MFSD11: variants seen among roughly 807,000 people sequenced by gnomAD.
The protein encoded by MFSD11 is major facilitator superfamily domain containing 11.
A neutral mutation model predicts 53.5 loss-of-function variants in MFSD11; 36 were observed. That is an observed-to-expected ratio of 0.67 (90% CI 0.52 to 0.89). MFSD11 has a LOEUF of 0.89. MFSD11 is among the 40% of genes least tolerant of loss of function. MFSD11 has a pLI of 0.00. For missense variants in MFSD11, 530 were observed against 543.9 expected (o/e 0.97, Z 0.25); for synonymous variants, 186 against 184.9 (o/e 1.01, Z -0.05).
chr17:76,798,286 A>G, the MFSD11 span, among the ~76,000 whole-genome samples: 109,170 of 151,948 alleles, frequency 0.72, 40,105 homozygotes, highest in Middle Eastern at 0.81. Context: ...TGGGGTGGGG[A>G]TGCAAAGCCT....
In MFSD11 at chr17:76,738,248, C is replaced by T; in HGVS notation, c.-105C>T. ...CTTGGCTGCCTGGCTCCTGCATCTG[C>T]CTTCTCCACTCACCATCTCATTTCT... On this transcript the variant is annotated 5_prime_UTR_variant, in exon 1 of 13. Coordinates refer to ENST00000685175, the MANE Select transcript of MFSD11 (RefSeq NM_001242532.5). 1.4e-6 allele frequency: 1 copy of T among 736,654 alleles called. No individual in the cohort carries two copies. 45.6% of individuals were successfully genotyped at this position (736,654 alleles called of 1,614,324 possible). A position where few individuals can be genotyped will look rare whatever the true frequency, so the allele number is the denominator to read the frequency against.
the MFSD11 span, among the ~76,000 whole-genome samples, chr17:76,796,297 A>C: frequency 6.6e-6 from 1 of 152,066 alleles, no homozygotes. Flanking sequence ...TCCTGACTTT[A>C]GTGAAGTTCC....
chr17:76,739,290 A>C (rs1179138501), intron 2 of MFSD11, among the ~76,000 whole-genome samples: 2 of 147,876 alleles, frequency 1.4e-5, no homozygotes, highest in East Asian at 4.0e-4. Context: ...CACTTGGCAC[A>C]GTGCATGGCA....
chr17:76,749,719 G>T (rs781120037), intron 7 of MFSD11, among the ~76,000 whole-genome samples: 2 of 151,790 alleles, frequency 1.3e-5, no homozygotes, highest in East Asian at 3.9e-4. Flanking sequence ...GTGAAACTCC[G>T]TCTCTACTAA....
chr17:76,739,620 T>G (rs2077857666), intron 2 of MFSD11, among the ~76,000 whole-genome samples: 1 of 152,216 alleles, frequency 6.6e-6, no homozygotes, highest in Non-Finnish European at 1.5e-5. Context: ...ATTTATTGTG[T>G]ACAACATGTT....
chr17:76,756,291 T>C (rs1463880188), intron 8 of MFSD11, among the ~76,000 whole-genome samples: 1 of 150,920 alleles, frequency 6.6e-6, no homozygotes, highest in Admixed American at 6.6e-5. Flanking sequence ...CCCAGCTAAT[T>C]TTTGCATTTT....
At chr17:76,737,137 G>A (rs745923097), upstream of MFSD11, 3 of 1,593,634 alleles carry the variant, frequency 1.9e-6, no homozygotes, top group African/African-American at 1.3e-5. Context: ...CCTCCACATC[G>A]GGAGGGGGGC....
At chr17:76,789,368 C>T in the MFSD11 span, among the ~76,000 whole-genome samples, 1 of 149,810 alleles carries the variant, frequency 6.7e-6, no homozygotes, top group African/African-American at 2.5e-5. Context: ...TGGGAGGGGC[C>T]GCATGTGCAG....
At chr17:76,791,571 C>G in the MFSD11 span, among the ~76,000 whole-genome samples, 2 of 148,918 alleles carry the variant, frequency 1.3e-5, no homozygotes, top group East Asian at 2.0e-4. Context: ...GTGGTTGGCG[C>G]GCTGGGGAGG....
In MFSD11 at chr17:76,769,885, A is replaced by G; in HGVS notation, c.874+14A>G. ...GAGAAATTTTAGGTTGGTTTTAAAA[A>G]AAAGCGTTTGCATTAAAAATATCAG... On this transcript the variant is annotated intron_variant, in intron 10 of 12. Coordinates refer to ENST00000685175, the MANE Select transcript of MFSD11 (RefSeq NM_001242532.5). 1.2e-6 allele frequency: 2 copies of G among 1,603,166 alleles called. No individual in the cohort carries two copies. Among genetic ancestry groups the G allele is most frequent in the African/African-American group, 1.3e-5 (1 of 74,184 alleles).
the MFSD11 span, chr17:76,799,633 C>T: frequency 1.3e-5 from 2 of 152,258 alleles, no homozygotes; most frequent in African/African-American, 4.8e-5. Flanking sequence ...CTCGGCCTCC[C>T]AAAGTGCTGC....
At chr17:76,771,901 A>G (rs894477133) in intron 10 of MFSD11, among the ~76,000 whole-genome samples, 4 of 152,160 alleles carry the variant, frequency 2.6e-5, no homozygotes, top group African/African-American at 7.2e-5. Context: ...AGAAGTGTCC[A>G]GTGGGAAATG....
chr17:76,741,048 A>C lies in MFSD11; in HGVS notation c.244A>C (p.Ser82Arg), dbSNP rs2078034610. Residue 82 changes from serine to arginine, a missense_variant, in exon 3 of 13, where the codon AGT becomes CGT. Ser to Arg is a moderately radical substitution (Grantham distance 110). Coordinates refer to ENST00000685175, the MANE Select transcript of MFSD11 (RefSeq NM_001242532.5). ...IVGPQLSMFA[S>R]GLFYSMYIAV... ...AGGACCTCAACTCTCTATGTTTGCCAGTGGTTTATTTTACAGGTAAGTAGT... is the reference window on the plus strand; with the variant it reads ...AGGACCTCAACTCTCTATGTTTGCCCGTGGTTTATTTTACAGGTAAGTAGT... 1.2e-6 allele frequency: 2 copies of C among 1,606,064 alleles called. No homozygotes were observed. Among genetic ancestry groups the C allele is most frequent in the Non-Finnish European group, 1.7e-6 (2 of 1,172,976 alleles).
At chr17:76,752,292 A>T (rs2079120310) in intron 7 of MFSD11, among the ~76,000 whole-genome samples, 1 of 152,194 alleles carries the variant, frequency 6.6e-6, no homozygotes, top group African/African-American at 2.4e-5. Context: ...TGACTTCATC[A>T]ATCTTGGTGG....
At chr17:76,764,802 G>C (rs1392926675) in intron 8 of MFSD11, among the ~76,000 whole-genome samples, 2 of 152,132 alleles carry the variant, frequency 1.3e-5, no homozygotes, top group Non-Finnish European at 2.9e-5. Context: ...AGGTAGAATT[G>C]CTGGATCATA....
At chr17:76,739,486 C>T (rs1335570042) in intron 2 of MFSD11, among the ~76,000 whole-genome samples, 1 of 152,108 alleles carries the variant, frequency 6.6e-6, no homozygotes, top group Non-Finnish European at 1.5e-5. Context: ...ATGAAAAGAC[C>T]TTCACAAGTC....
In MFSD11 at chr17:76,778,254, A is replaced by G. The variant is rs765098089; in HGVS notation, c.1252A>G (p.Met418Val). 2.3e-5 allele frequency: 37 copies of G among 1,614,148 alleles called. No homozygotes were observed. Among genetic ancestry groups the G allele is most frequent in the Non-Finnish European group, 2.9e-5 (34 of 1,180,028 alleles). Reference protein sequence around the residue: ...YLLLHWQLLVMVIFGFFGTIS... With the variant: ...YLLLHWQLLVVVIFGFFGTIS... ...TCTCCTTCACTGGCAACTCCTGGTC[A>G]TGGTGATATTTGGGTTTTTTGGAAC... The change falls in exon 13 of 13, where the codon ATG becomes GTG. Residue 418 changes from methionine (M) to valine (V), a missense_variant. By Grantham distance (21) the Met-to-Val change is conservative. Transcript: ENST00000685175.
At chr17:76,769,720 C>T (rs561879210) in intron 9 of MFSD11, 26 bp from the exon 10 acceptor site, 1 of 1,550,064 alleles carries the variant, frequency 6.5e-7, no homozygotes, top group Non-Finnish European at 8.7e-7. Context: ...ATATAAATGA[C>T]ATCTGTTTTT....
rs374012744 is a variant in MFSD11 at position 76,778,400 on chromosome 17, C to T, written c.*48C>T. On this transcript the variant is annotated 3_prime_UTR_variant, in exon 13 of 13. Transcript: ENST00000685175. ...GTATGACCTCAGAAACACAGCTGGA[C>T]ACAGAGCTTGGTGGAAGAAGTCGCC... The T allele has an allele frequency of 6.9e-6, 11 of 1,589,448 alleles. No homozygotes were observed. In the African/African-American group the frequency reaches 1.3e-4, roughly 19 times the overall value.
Sources: allele counts gnomAD v4.1 joint callset (sites outside exome capture counted in the v4.1 genomes callset), GRCh38; gene constraint gnomAD v4.1.1; transcripts MANE v1.5; gene names NCBI Gene and HGNC (gene_info 2026-07-23, HGNC 2026-07-21).